Variants in RANBP17 observed in about 807,000 individuals in gnomAD.
RANBP17 encodes ran-binding protein 17.
RANBP17 carries 158 observed loss-of-function variants against 141.2 expected under a neutral mutation model. That is an observed-to-expected ratio of 1.12 (90% CI 0.98 to 1.28). The LOEUF (loss-of-function observed/expected upper bound fraction) is 1.28, where lower values mean the gene tolerates loss of function less well. RANBP17 is among the 50% of genes most tolerant of loss of function. The pLI is 0.00. For missense variants in RANBP17, 1,438 were observed against 1,290.7 expected, an observed-to-expected ratio of 1.11 and a Z score of -1.75; for synonymous variants, 430 against 450.0, an observed-to-expected ratio of 0.96 and a Z score of 0.56.
At chr5:170,923,716 T>C (rs1191426029) in intron 11 of RANBP17, among the ~76,000 whole-genome samples, 2 of 152,176 alleles carry the variant, frequency 1.3e-5, no homozygotes, top group Non-Finnish European at 2.9e-5. Flanking sequence ...TGCATACATT[T>C]AGGTAGATTT....
At chr5:170,962,614 A>C (rs1776235050) in intron 13 of RANBP17, among the ~76,000 whole-genome samples, 1 of 152,218 alleles carries the variant, frequency 6.6e-6, no homozygotes, top group Admixed American at 6.5e-5. Context: ...GTAATCTGCT[A>C]ATTCACCAGT....
chr5:170,876,158 CT>C (rs1768161150), intron 1 of RANBP17, among the ~76,000 whole-genome samples: 1 of 152,148 alleles, frequency 6.6e-6, no homozygotes, highest in Non-Finnish European at 1.5e-5. Flanking sequence ...GCACCAACCG[CT>C]TCACTTGGCT....
intron 20 of RANBP17, among the ~76,000 whole-genome samples, chr5:171,209,563 C>T (rs905975821): frequency 1.1e-4 from 17 of 152,102 alleles, no homozygotes; most frequent in African/African-American, 3.4e-4. Flanking sequence ...TCTTTAGAAG[C>T]CCACTCTCTA....
At chr5:171,126,353 C>T (rs570566852) in intron 14 of RANBP17, among the ~76,000 whole-genome samples, 1 of 152,072 alleles carries the variant, frequency 6.6e-6, no homozygotes, top group East Asian at 1.9e-4. Context: ...GCAATAACCT[C>T]CTACATCAAA....
intron 20 of RANBP17, among the ~76,000 whole-genome samples, chr5:171,210,378 C>G (rs1366538301): frequency 6.6e-6 from 1 of 152,148 alleles, no homozygotes; most frequent in African/African-American, 2.4e-5. Flanking sequence ...TCATTCCACA[C>G]AGAAAAAGGA....
intron 3 of RANBP17, among the ~76,000 whole-genome samples, chr5:170,883,706 A>G (rs1295639775): frequency 6.6e-6 from 1 of 152,180 alleles, no homozygotes; most frequent in Non-Finnish European, 1.5e-5. Context: ...TCAATCATAC[A>G]TGTAGGCTTT....
At chr5:171,273,774 G>A (rs1395036571) in intron 25 of RANBP17, among the ~76,000 whole-genome samples, 1 of 152,152 alleles carries the variant, frequency 6.6e-6, no homozygotes, top group Non-Finnish European at 1.5e-5. Context: ...AACCCAAACA[G>A]CACTGCTACA....
intron 14 of RANBP17, among the ~76,000 whole-genome samples, chr5:171,050,552 C>G (rs1397600052): frequency 6.6e-6 from 1 of 152,040 alleles, no homozygotes; most frequent in African/African-American, 2.4e-5. Flanking sequence ...ACAAAAAATT[C>G]AAAAATTAGC....
rs539897769 is a variant in RANBP17 at position 171,253,070 on chromosome 5, A to C, written c.2776+10250A>C. ...AAGGATCAAGCACTGATTTTTCAAG[A>C]AAAGAGAAAATGCAGGAAGCTCTGG... On this transcript the variant is annotated intron_variant, in intron 24 of 27. Coordinates refer to ENST00000523189, the MANE Select transcript of RANBP17 (RefSeq NM_022897.5). 4,016 of 836,078 alleles carry C rather than the reference A, an allele frequency of 4.8e-3. 17 individuals carry two copies. Among genetic ancestry groups the C allele is most frequent in the Non-Finnish European group, 5.8e-3 (2,910 of 502,948 alleles). 51.8% of individuals were successfully genotyped at this position (836,078 alleles called of 1,614,324 possible).
At chr5:170,990,571 C>T (rs1442667975) in intron 14 of RANBP17, among the ~76,000 whole-genome samples, 2 of 151,746 alleles carry the variant, frequency 1.3e-5, no homozygotes, top group Non-Finnish European at 2.9e-5. Context: ...TAGCATTTTT[C>T]AGGGCTGGTA....
chr5:171,245,561 G>C (rs1440497727), intron 24 of RANBP17, among the ~76,000 whole-genome samples: 3 of 152,102 alleles, frequency 2.0e-5, no homozygotes, highest in Non-Finnish European at 4.4e-5. Flanking sequence ...TGATCCTCTT[G>C]CCTCAGCCTC....
At chr5:170,869,524 C>T (rs939945219) in intron 1 of RANBP17, among the ~76,000 whole-genome samples, 5 of 152,122 alleles carry the variant, frequency 3.3e-5, no homozygotes, top group Non-Finnish European at 7.4e-5. Context: ...CTTCTGGAGG[C>T]CCTGAAGGAG....
intron 14 of RANBP17, among the ~76,000 whole-genome samples, chr5:171,036,994 A>G (rs1581459513): frequency 6.6e-6 from 1 of 152,266 alleles, no homozygotes; most frequent in Non-Finnish European, 1.5e-5. Context: ...TTCTATTTCA[A>G]GTTCTTTGAG....
intron 21 of RANBP17, among the ~76,000 whole-genome samples, chr5:171,219,255 G>C (rs1352159381): frequency 6.6e-6 from 1 of 152,232 alleles, no homozygotes; most frequent in African/African-American, 2.4e-5. Flanking sequence ...TCTGCAGAGA[G>C]ATTTGCCATT....
intron 14 of RANBP17, among the ~76,000 whole-genome samples, chr5:171,080,107 C>G (rs992599552): frequency 1.3e-5 from 2 of 152,002 alleles, no homozygotes; most frequent in African/African-American, 4.8e-5. Flanking sequence ...GTTTTGTTTT[C>G]TTTTTAAGCA....
At chr5:171,230,336 T>C (rs1198134220) in intron 22 of RANBP17, among the ~76,000 whole-genome samples, 1 of 152,184 alleles carries the variant, frequency 6.6e-6, no homozygotes, top group African/African-American at 2.4e-5. Flanking sequence ...CACATAAATA[T>C]AGAACAGCCT....
intron 14 of RANBP17, among the ~76,000 whole-genome samples, chr5:171,039,792 C>G (rs1239736531): frequency 1.3e-5 from 2 of 152,104 alleles, no homozygotes; most frequent in African/African-American, 2.4e-5. Flanking sequence ...TGGACTAATT[C>G]CTGGAAACAA....
At chr5:171,102,234 A>G (rs1787220684) in intron 14 of RANBP17, among the ~76,000 whole-genome samples, 1 of 152,168 alleles carries the variant, frequency 6.6e-6, no homozygotes, top group Admixed American at 6.5e-5. Flanking sequence ...TACCCCAAGC[A>G]AATGTAGGTT....
intron 12 of RANBP17, among the ~76,000 whole-genome samples, chr5:170,943,267 A>AC (rs1284879829): frequency 1.3e-5 from 2 of 152,160 alleles, no homozygotes; most frequent in African/African-American, 4.8e-5. Flanking sequence ...TGTGTGCTTT[A>AC]ATTTAGATGC....
Sources: allele counts gnomAD v4.1 joint callset (sites outside exome capture counted in the v4.1 genomes callset), GRCh38; gene constraint gnomAD v4.1.1; transcripts MANE v1.5; gene names NCBI Gene and HGNC (gene_info 2026-07-23, HGNC 2026-07-21).